Variants in PHB1 observed in about 807,000 individuals in gnomAD.
The protein encoded by PHB1 is prohibitin 1.
chr17:49,405,054 G>A, the PHB1 span: 5 of 1,590,362 alleles, frequency 3.1e-6, no homozygotes, highest in Non-Finnish European at 2.6e-6. Flanking sequence ...TTCCGAGAGC[G>A]TGAGAGCTGG....
At chr17:49,407,057 T>C in the PHB1 span, 1 of 589,478 alleles carries the variant, frequency 1.7e-6, no homozygotes, top group Non-Finnish European at 3.1e-6. Flanking sequence ...AAACTGCTCC[T>C]GTATATTACT....
At chr17:49,409,973 T>A in the PHB1 span, among the ~76,000 whole-genome samples, 1 of 152,168 alleles carries the variant, frequency 6.6e-6, no homozygotes, top group Non-Finnish European at 1.5e-5. Context: ...TTTGACCTCC[T>A]GGGCTCAGTT....
the PHB1 span, chr17:49,414,290 TC>T: frequency 6.6e-6 from 1 of 152,040 alleles, no homozygotes; most frequent in African/African-American, 2.4e-5. Flanking sequence ...ACGACATGCT[TC>T]TTATGGAAGC....
the PHB1 span, chr17:49,411,912 G>GCACCAGGGCTCTTTCAA: frequency 5.1e-6 from 7 of 1,385,916 alleles, no homozygotes; most frequent in Non-Finnish European, 6.0e-6. Flanking sequence ...GTCTTTGAAA[G>GCACCAGGGCTCTTTCAA]AGCCCTGGTG....
chr17:49,405,139 A>C, the PHB1 span: 1 of 1,614,056 alleles, frequency 6.2e-7, no homozygotes, highest in Admixed American at 1.7e-5. Flanking sequence ...GTGAGTTGGC[A>C]ATCAGCTCAG....
At chr17:49,408,867 C>A in the PHB1 span, 1 of 576,128 alleles carries the variant, frequency 1.7e-6, no homozygotes, top group Non-Finnish European at 3.1e-6. Context: ...GGTAAAAGAA[C>A]CCTCAACTGA....
chr17:49,405,290 C>T, the PHB1 span: 1 of 1,136,128 alleles, frequency 8.8e-7, no homozygotes, highest in Non-Finnish European at 1.3e-6. Flanking sequence ...CAGAAAGCCA[C>T]CTTCCCAGGC....
At chr17:49,406,385 A>G in the PHB1 span, among the ~76,000 whole-genome samples, 24 of 152,370 alleles carry the variant, frequency 1.6e-4, no homozygotes, top group East Asian at 3.9e-3. Context: ...TCTAGTGACG[A>G]AAGCACATCT....
At chr17:49,413,482 CTTTT>C in the PHB1 span, among the ~76,000 whole-genome samples, 1 of 134,690 alleles carries the variant, frequency 7.4e-6, no homozygotes, top group Admixed American at 7.6e-5. Flanking sequence ...AATTCTTCTG[CTTTT>C]TTTTTTTTTC....
chr17:49,406,049 CAACA>C, the PHB1 span, among the ~76,000 whole-genome samples: 1 of 152,212 alleles, frequency 6.6e-6, no homozygotes, highest in Non-Finnish European at 1.5e-5. Flanking sequence ...TCTATTTGCT[CAACA>C]AACATTTACT....
At chr17:49,410,792 G>C in the PHB1 span, among the ~76,000 whole-genome samples, 2 of 152,176 alleles carry the variant, frequency 1.3e-5, no homozygotes, top group African/African-American at 4.8e-5. Context: ...TGGGCCTTGC[G>C]GAAATGTTGG....
At chr17:49,408,990 C>T in the PHB1 span, 2 of 1,165,978 alleles carry the variant, frequency 1.7e-6, no homozygotes, top group Non-Finnish European at 2.5e-6. Context: ...AGCCAGGCAC[C>T]TAAACGAGAA....
At chr17:49,405,842 G>A in the PHB1 span, among the ~76,000 whole-genome samples, 7 of 152,304 alleles carry the variant, frequency 4.6e-5, no homozygotes, top group Non-Finnish European at 1.0e-4. Flanking sequence ...ACTTTTGACT[G>A]TTCCTAGAGC....
the PHB1 span, chr17:49,409,587 G>C: frequency 1.2e-6 from 1 of 828,590 alleles, no homozygotes; most frequent in Non-Finnish European, 1.9e-6. Flanking sequence ...TGTTGCCTAG[G>C]CTGGAGTACA....
At chr17:49,406,708 GTGC>G in the PHB1 span, 1 of 1,288,078 alleles carries the variant, frequency 7.8e-7, no homozygotes, top group African/African-American at 1.5e-5. Context: ...GGGAAGCTGA[GTGC>G]CGGAGAAAGG....
At chr17:49,413,965 T>C in the PHB1 span, among the ~76,000 whole-genome samples, 2 of 151,974 alleles carry the variant, frequency 1.3e-5, no homozygotes, top group Admixed American at 6.6e-5. Flanking sequence ...AAAGAGGCTG[T>C]GAGGTTAGAT....
chr17:49,404,774 G>A, the PHB1 span: 1 of 575,464 alleles, frequency 1.7e-6, no homozygotes, highest in Non-Finnish European at 3.1e-6. Context: ...TTTTGGTAGG[G>A]AGGTGGATAA....
At chr17:49,411,897 ATCATGTCTT>A in the PHB1 span, 1 of 1,533,010 alleles carries the variant, frequency 6.5e-7, no homozygotes, top group Non-Finnish European at 8.9e-7. Flanking sequence ...AAACAAAAGG[ATCATGTCTT>A]TGAAAGAGCC....
the PHB1 span, among the ~76,000 whole-genome samples, chr17:49,408,565 C>T: frequency 2.6e-5 from 4 of 152,198 alleles, no homozygotes; most frequent in South Asian, 2.1e-4. Context: ...GGAATCCAAC[C>T]GTTCGTTTAC....
Sources: allele counts gnomAD v4.1 joint callset (sites outside exome capture counted in the v4.1 genomes callset), GRCh38; gene constraint gnomAD v4.1.1; transcripts MANE v1.5; gene names NCBI Gene and HGNC (gene_info 2026-07-23, HGNC 2026-07-21).